NAXD: variants seen among roughly 807,000 people sequenced by gnomAD.
NAXD encodes ATP-dependent (S)-NAD(P)H-hydrate dehydratase.
A neutral mutation model predicts 35.8 loss-of-function variants in NAXD; 22 were observed. The ratio of observed to expected loss-of-function variants is 0.62; its 90% CI spans 0.44 to 0.88. NAXD has a LOEUF of 0.88. NAXD is among the 40% of genes least tolerant of loss of function. The pLI is 0.00. For missense variants in NAXD, 428 were observed against 437.7 expected (o/e 0.98, Z 0.20); for synonymous variants, 189 against 177.6 (o/e 1.06, Z -0.51).
chr13:110,625,417 A>G, intron 4 of NAXD, 139 bp downstream of exon 4: 1 of 653,944 alleles, frequency 1.5e-6, no homozygotes, highest in Non-Finnish European at 2.7e-6. Context: ...GGAAGTAGGG[A>G]AATGAAGGAG....
Position 110,615,595 on chromosome 13 carries a change from C to A in NAXD, c.-7C>A. The A allele has an allele frequency of 1.4e-6, 2 of 1,388,514 alleles. No individual in the cohort carries two copies. The highest frequency in any genetic ancestry group is 1.5e-5 in the South Asian group (1 of 64,746). 86.0% of individuals were successfully genotyped at this position (1,388,514 alleles called of 1,614,324 possible). On this transcript the variant is annotated 5_prime_UTR_variant, in exon 1 of 10. It adds an upstream start codon to the 5' untranslated region. Coordinates refer to ENST00000680254, the MANE Select transcript of NAXD (RefSeq NM_001242882.2). ...CGGGGGCAGCTGGGAATCCGGAATG[C>A]TGCCCGATGGCCCTGGGTCCTCGCT...
chr13:110,637,345 C>A, intron 9 of NAXD, 96 bp downstream of exon 9: 1 of 1,427,866 alleles, frequency 7.0e-7, no homozygotes, highest in Non-Finnish European at 9.8e-7. Context: ...CCTGGAAACA[C>A]TGACAATGAA....
At chr13:110,635,713 C>T in intron 8 of NAXD, 125 bp downstream of exon 8, 1 of 1,105,358 alleles carries the variant, frequency 9.0e-7, no homozygotes. Flanking sequence ...CACAGGGATT[C>T]CTGATGAGCT....
chr13:110,633,397 C>T (rs907607340), intron 5 of NAXD, among the ~76,000 whole-genome samples: 2 of 152,230 alleles, frequency 1.3e-5, no homozygotes, highest in Non-Finnish European at 2.9e-5. Context: ...GCCCCAGTTC[C>T]CGCTCGCGCC....
At chr13:110,617,772 C>G (rs1190666132) in intron 1 of NAXD, among the ~76,000 whole-genome samples, 38 of 152,348 alleles carry the variant, frequency 2.5e-4, no homozygotes, top group East Asian at 1.9e-4. Context: ...TTGTCCATTA[C>G]TAACCACAGC....
At chr13:110,622,085 T>G in intron 1 of NAXD, 131 bp from the exon 2 acceptor site, 1 of 760,252 alleles carries the variant, frequency 1.3e-6, no homozygotes, top group African/African-American at 1.8e-5. Context: ...CATATTTGCT[T>G]ACAGAAATCC....
At chr13:110,619,708 C>G (rs996416478) in intron 1 of NAXD, among the ~76,000 whole-genome samples, 3 of 152,122 alleles carry the variant, frequency 2.0e-5, no homozygotes, top group Admixed American at 1.3e-4. Flanking sequence ...ACATGCACTG[C>G]TGACTGGGTA....
chr13:110,621,866 C>A (rs1050298588), intron 1 of NAXD, among the ~76,000 whole-genome samples: 2 of 152,016 alleles, frequency 1.3e-5, no homozygotes, highest in African/African-American at 4.8e-5. Flanking sequence ...CCTATCTCTA[C>A]TGAAAATACA....
intron 1 of NAXD, chr13:110,616,090 T>C (rs1274924688): frequency 1.5e-5 from 5 of 332,432 alleles, no homozygotes; most frequent in Admixed American, 4.9e-5. Context: ...CGTGGTGCGC[T>C]GGTCGGATCC....
intron 5 of NAXD, among the ~76,000 whole-genome samples, chr13:110,633,174 G>A (rs1164777519): frequency 2.6e-5 from 4 of 152,140 alleles, no homozygotes. Context: ...AGCCCTGCCC[G>A]GCGGGAAGGC....
At chr13:110,621,646 G>A (rs1415985670) in intron 1 of NAXD, among the ~76,000 whole-genome samples, 1 of 151,712 alleles carries the variant, frequency 6.6e-6, no homozygotes, top group African/African-American at 2.4e-5. Context: ...CAGTGAGCAG[G>A]ATCGTGCCAC....
intron 1 of NAXD, among the ~76,000 whole-genome samples, chr13:110,617,287 A>G (rs1429402466): frequency 1.3e-5 from 2 of 152,328 alleles, no homozygotes; most frequent in African/African-American, 4.8e-5. Flanking sequence ...CAGCAGTGAT[A>G]GTCTTCCCCA....
chr13:110,637,918 G>T, intron 9 of NAXD: 1 of 517,286 alleles, frequency 1.9e-6, no homozygotes. Flanking sequence ...AGCCGAGGAG[G>T]TAGGGGTGTG....
At position 110,625,194 on chromosome 13, in the gene NAXD, C is replaced by T. The variant is rs770026420; in HGVS notation, c.248C>T (p.Ala83Val). 3 of 1,613,462 alleles carry T rather than the reference C, an allele frequency of 1.9e-6. No homozygotes were observed. Among genetic ancestry groups the T allele is most frequent in the Non-Finnish European group, 2.5e-6 (3 of 1,179,450 alleles). Reference sequence around the variant, plus strand: ...CCTCTTGTGCTCCTTCATCAGGGCGCAGACTTGTCCCACGTGTTCTGTGCC... The same window carrying T: ...CCTCTTGTGCTCCTTCATCAGGGCGTAGACTTGTCCCACGTGTTCTGTGCC... ...FAAISALKVGADLSHVFCASA... is the reference protein window; with the variant it reads ...FAAISALKVGVDLSHVFCASA... Residue 83 changes from alanine (A) to valine (V), a missense_variant, in exon 4 of 10, where the codon GCA becomes GTA. Physicochemically the swap from Ala to Val is moderately conservative, Grantham distance 64 (BLOSUM62 0). Coordinates refer to ENST00000680254, the MANE Select transcript of NAXD (RefSeq NM_001242882.2).
intron 1 of NAXD, chr13:110,616,068 G>T (rs1297079264): frequency 5.6e-6 from 2 of 354,224 alleles, no homozygotes; most frequent in Non-Finnish European, 1.0e-5. Flanking sequence ...CGGTAGGAGG[G>T]CCCTGGGGCG....
intron 2 of NAXD, among the ~76,000 whole-genome samples, chr13:110,623,946 G>GCA (rs1286652837): frequency 4.6e-5 from 7 of 150,590 alleles, no homozygotes; most frequent in Non-Finnish European, 1.0e-4. Flanking sequence ...AGGTTGCAAT[G>GCA]AGCCAAGATC....
At chr13:110,618,817 C>T (rs11838563) in intron 1 of NAXD, among the ~76,000 whole-genome samples, 7,062 of 152,282 alleles carry the variant, frequency 0.046, 370 homozygotes, top group African/African-American at 0.13. Context: ...ACTAGCATAT[C>T]TCCTCTTTCT....
chr13:110,615,487 T>G, upstream of NAXD: 1 of 977,698 alleles, frequency 1.0e-6, no homozygotes. Flanking sequence ...ATTGAGCGAG[T>G]TGGGATCCCA....
At chr13:110,630,843 CTGT>C (rs1886671595) in intron 5 of NAXD, among the ~76,000 whole-genome samples, 1 of 152,186 alleles carries the variant, frequency 6.6e-6, no homozygotes, top group South Asian at 2.1e-4. Flanking sequence ...TATTTCTGGA[CTGT>C]TGTTTCTGTT....
Sources: gnomAD v4.1 joint callset for allele counts (sites outside exome capture counted in the v4.1 genomes callset) on GRCh38, gnomAD v4.1.1 for gene constraint, MANE v1.5 for transcripts, NCBI Gene and HGNC (gene_info 2026-07-23, HGNC 2026-07-21) for gene names.